The following AK5 variants were observed in gnomAD, a reference collection of about 807,000 sequenced individuals.
The protein encoded by AK5 is adenylate kinase isoenzyme 5.
In AK5, 27 loss-of-function variants were observed where a neutral mutation model predicts 69.5. That is an observed-to-expected ratio of 0.39 (90% confidence interval 0.29 to 0.54). The LOEUF (loss-of-function observed/expected upper bound fraction) is 0.54. Ranked by LOEUF, AK5 falls within the 20% of genes least tolerant of loss-of-function variation. The pLI is 0.71. For missense variants in AK5, 531 were observed against 700.4 expected (o/e 0.76, Z 2.73); for synonymous variants, 260 against 244.4 (o/e 1.06, Z -0.60).
intron 8 of AK5, among the ~76,000 whole-genome samples, chr1:77,449,586 G>C (rs1653006903): frequency 6.6e-6 from 1 of 152,176 alleles, no homozygotes; most frequent in Non-Finnish European, 1.5e-5. Flanking sequence ...TAAGACTTTA[G>C]GGGACTGTTG....
intron 5 of AK5, among the ~76,000 whole-genome samples, chr1:77,307,420 A>C (rs1398067885): frequency 6.6e-6 from 1 of 151,558 alleles, no homozygotes; most frequent in Non-Finnish European, 1.5e-5. Context: ...TTTTTCCAGA[A>C]TTCCTCTTAT....
intron 6 of AK5, among the ~76,000 whole-genome samples, chr1:77,375,109 A>G (rs544160888): frequency 6.6e-6 from 1 of 152,306 alleles, no homozygotes; most frequent in East Asian, 1.9e-4. Context: ...CACTTTATAA[A>G]TGAGGAAACA....
intron 8 of AK5, among the ~76,000 whole-genome samples, chr1:77,469,971 T>A (rs951848172): frequency 3.3e-5 from 5 of 152,256 alleles, no homozygotes; most frequent in Non-Finnish European, 1.5e-5. Context: ...TTGTCATTGA[T>A]CTGCCATAGA....
chr1:77,556,106 G>T (rs1660090071), intron 13 of AK5, among the ~76,000 whole-genome samples: 1 of 152,290 alleles, frequency 6.6e-6, no homozygotes, highest in East Asian at 1.9e-4. Flanking sequence ...CCTTATTGTG[G>T]GCTATATCAT....
intron 5 of AK5, among the ~76,000 whole-genome samples, chr1:77,322,015 G>T (rs948468726): frequency 6.6e-6 from 1 of 152,048 alleles, no homozygotes; most frequent in Non-Finnish European, 1.5e-5. Flanking sequence ...ATGAAAACAG[G>T]GTGAGCCGTG....
intron 8 of AK5, among the ~76,000 whole-genome samples, chr1:77,419,485 A>T (rs1650662073): frequency 6.6e-6 from 1 of 152,212 alleles, no homozygotes; most frequent in Non-Finnish European, 1.5e-5. Context: ...GCCATGAAAC[A>T]AATACATGAA....
chr1:77,351,927 C>CTTTTTTTTTT (rs10658959), intron 6 of AK5, among the ~76,000 whole-genome samples: 7 of 138,170 alleles, frequency 5.1e-5, no homozygotes, highest in Non-Finnish European at 4.6e-5. Flanking sequence ...GCAAGTAATT[C>CTTTTTTTTTT]TTTTTTTTTT....
chr1:77,447,404 A>G (rs947851958), intron 8 of AK5, among the ~76,000 whole-genome samples: 1 of 152,266 alleles, frequency 6.6e-6, no homozygotes, highest in African/African-American at 2.4e-5. Context: ...CCTCATCACT[A>G]TGCATAGCTG....
At chr1:77,304,819 G>C (rs756171970) in intron 5 of AK5, among the ~76,000 whole-genome samples, 1 of 152,116 alleles carries the variant, frequency 6.6e-6, no homozygotes, top group Non-Finnish European at 1.5e-5. Flanking sequence ...ATATCTCTTC[G>C]ATATACTGAT....
chr1:77,292,345 A>G (rs1243746520), intron 2 of AK5, among the ~76,000 whole-genome samples: 1 of 152,146 alleles, frequency 6.6e-6, no homozygotes, highest in African/African-American at 2.4e-5. Flanking sequence ...AGTGCTTTTC[A>G]TGAAGCTAAA....
intron 6 of AK5, among the ~76,000 whole-genome samples, chr1:77,342,149 C>T (rs545463640): frequency 4.6e-5 from 7 of 152,114 alleles, no homozygotes; most frequent in South Asian, 4.1e-4. Context: ...CTGCCCACCT[C>T]GGCCTCCCAA....
At chr1:77,344,311 G>A (rs1350341735) in intron 6 of AK5, among the ~76,000 whole-genome samples, 2 of 152,204 alleles carry the variant, frequency 1.3e-5, no homozygotes, top group Non-Finnish European at 2.9e-5. Flanking sequence ...AAAATAATAT[G>A]AAATCATAAG....
At chr1:77,343,203 G>T (rs1220551788) in intron 6 of AK5, among the ~76,000 whole-genome samples, 1 of 152,198 alleles carries the variant, frequency 6.6e-6, no homozygotes, top group Middle Eastern at 3.4e-3. Context: ...ATTCCCTGTG[G>T]TGAATAAAAT....
intron 10 of AK5, among the ~76,000 whole-genome samples, chr1:77,487,571 C>G (rs1655681229): frequency 6.6e-6 from 1 of 152,174 alleles, no homozygotes; most frequent in Admixed American, 6.5e-5. Context: ...GAAATATAAT[C>G]AGATAAACTT....
intron 6 of AK5, among the ~76,000 whole-genome samples, chr1:77,357,338 AAATGGGAATGAAGGT>A (rs1170855618): frequency 6.6e-6 from 1 of 152,212 alleles, no homozygotes; most frequent in African/African-American, 2.4e-5. Flanking sequence ...CTCATCTGTA[AAATGGGAATGAAGGT>A]AAGTGACTTG....
chr1:77,421,143 C>A (rs1005218757), intron 8 of AK5, among the ~76,000 whole-genome samples: 1 of 152,164 alleles, frequency 6.6e-6, no homozygotes, highest in African/African-American at 2.4e-5. Context: ...TGTCGTGAAC[C>A]ATTCCCCCAT....
chr1:77,393,398 G>A (rs559763660), intron 6 of AK5, among the ~76,000 whole-genome samples: 5 of 152,254 alleles, frequency 3.3e-5, no homozygotes, highest in Admixed American at 2.6e-4. Context: ...GTGAAAGCTA[G>A]GCACAGATTG....
chr1:77,513,299 CA>C (rs1442337946), intron 10 of AK5, among the ~76,000 whole-genome samples: 72 of 152,250 alleles, frequency 4.7e-4, no homozygotes, highest in Non-Finnish European at 9.1e-4. Flanking sequence ...ATGGTGTTTA[CA>C]GCCCCCACTC....
At chr1:77,338,869 A>G (rs2100376947) in intron 5 of AK5, among the ~76,000 whole-genome samples, 1 of 152,304 alleles carries the variant, frequency 6.6e-6, no homozygotes, top group African/African-American at 2.4e-5. Flanking sequence ...TAATAACTCA[A>G]GGAGGTAAGT....
Sources: gnomAD v4.1 joint callset for allele counts (sites outside exome capture counted in the v4.1 genomes callset) on GRCh38, gnomAD v4.1.1 for gene constraint, MANE v1.5 for transcripts, NCBI Gene and HGNC (gene_info 2026-07-23, HGNC 2026-07-21) for gene names.